The following OSBPL9 variants were observed in gnomAD, a reference collection of about 807,000 sequenced individuals.
OSBPL9 encodes oxysterol binding protein like 9, also known as oxysterol-binding protein-related protein 9.
Under a neutral mutation model 106.6 loss-of-function variants are expected in OSBPL9, and 40 were observed. The ratio of observed to expected loss-of-function variants is 0.38; its 90% CI spans 0.29 to 0.49. The LOEUF (loss-of-function observed/expected upper bound fraction) is 0.49. Among genes scored for constraint, OSBPL9 ranks in the 20% least tolerant of loss-of-function variants. The pLI is 0.97. For synonymous variants in OSBPL9, 269 were observed against 295.4 expected (o/e 0.91, Z 0.92); for missense variants, 609 against 887.2 (o/e 0.69, Z 3.98).
At chr1:51,777,742 T>TTAAGAAG (rs1440633941) in intron 15 of OSBPL9, among the ~76,000 whole-genome samples, 1 of 152,138 alleles carries the variant, frequency 6.6e-6, no homozygotes, top group Non-Finnish European at 1.5e-5. Flanking sequence ...GAAGTAAAAT[T>TTAAGAAG]TAAGCATTTA....
intron 2 of OSBPL9, among the ~76,000 whole-genome samples, chr1:51,611,989 A>G (rs2148606434): frequency 6.6e-6 from 1 of 152,310 alleles, no homozygotes; most frequent in East Asian, 1.9e-4. Context: ...TAAATAAATG[A>G]ATAAATACAT....
At chr1:51,711,821 G>T (rs771632805) in intron 3 of OSBPL9, among the ~76,000 whole-genome samples, 2 of 149,454 alleles carry the variant, frequency 1.3e-5, no homozygotes, top group Non-Finnish European at 3.0e-5. Flanking sequence ...GATGGGCGGC[G>T]GGGCAGAGAC....
the OSBPL9 span, among the ~76,000 whole-genome samples, chr1:51,528,930 G>A: frequency 6.6e-6 from 1 of 152,130 alleles, no homozygotes; most frequent in East Asian, 1.9e-4. Flanking sequence ...AGAAAAAATA[G>A]TTAAGAATAA....
chr1:51,542,623 G>A, the OSBPL9 span, among the ~76,000 whole-genome samples: 2 of 152,190 alleles, frequency 1.3e-5, no homozygotes, highest in Non-Finnish European at 2.9e-5. Context: ...CCATGTGCCA[G>A]GCACTCTACT....
intron 22 of OSBPL9, 53 bp from the exon 23 acceptor site, chr1:51,787,300 G>A: frequency 6.5e-7 from 1 of 1,547,062 alleles, no homozygotes; most frequent in Non-Finnish European, 8.9e-7. Context: ...ATTCAGGATG[G>A]CTGCAGGCTT....
At chr1:51,722,925 A>T (rs1462100765) in intron 4 of OSBPL9, among the ~76,000 whole-genome samples, 1 of 152,226 alleles carries the variant, frequency 6.6e-6, no homozygotes, top group African/African-American at 2.4e-5. Context: ...ATTTGGCCTG[A>T]CTTGCTAGGC....
At chr1:51,720,691 A>G (rs1384270901) in intron 4 of OSBPL9, among the ~76,000 whole-genome samples, 2 of 151,398 alleles carry the variant, frequency 1.3e-5, no homozygotes, top group Non-Finnish European at 2.9e-5. Context: ...GGTTTCTATG[A>G]TTATTCTTTG....
At chr1:51,719,442 A>G (rs1425904260) in intron 4 of OSBPL9, among the ~76,000 whole-genome samples, 1 of 151,720 alleles carries the variant, frequency 6.6e-6, no homozygotes, top group African/African-American at 2.4e-5. Context: ...AACTTTTCAG[A>G]TTCTTTTTTT....
chr1:51,747,553 CT>C (rs746109312), intron 6 of OSBPL9, among the ~76,000 whole-genome samples: 213 of 42,354 alleles, frequency 5.0e-3, no homozygotes, highest in African/African-American at 7.0e-3. Flanking sequence ...CTCTCCTTGG[CT>C]TTTTTTTTTT....
At chr1:51,532,933 T>C in the OSBPL9 span, among the ~76,000 whole-genome samples, 1 of 152,110 alleles carries the variant, frequency 6.6e-6, no homozygotes, top group Non-Finnish European at 1.5e-5. Context: ...TTTAGAAAGA[T>C]AAGTAAAATT....
chr1:51,746,668 T>G (rs748099444), intron 5 of OSBPL9, 42 bp from the exon 6 acceptor site: 3 of 1,441,286 alleles, frequency 2.1e-6, no homozygotes, highest in Non-Finnish European at 2.9e-6. Context: ...CATCGTATAG[T>G]AAAGTGGCTT....
Position 51,756,333 on chromosome 1 carries a change from C to T in OSBPL9, c.557C>T (p.Ala186Val), listed in dbSNP as rs1193625406. The stretch of plus-strand genomic sequence containing the variant: ...TTTTTCCTTAAGGACCAGAGTAATG[C>T]GGAGAAGCACGCAGATGGAATGATA... ...LLQIAKDQSN[A>V]EKHADGMIST... Residue 186 changes from alanine (A) to valine (V), a missense_variant, in exon 9 of 24, where the codon GCG becomes GTG. Coordinates refer to ENST00000428468, the MANE Select transcript of OSBPL9 (RefSeq NM_024586.6). 11 of 1,612,722 alleles carry T rather than the reference C, an allele frequency of 6.8e-6. No homozygotes were observed. Among genetic ancestry groups the T allele is most frequent in the Admixed American group, 5.0e-5 (3 of 59,870 alleles).
intron 1 of OSBPL9, among the ~76,000 whole-genome samples, chr1:51,646,939 C>G (rs560948363): frequency 1.5e-4 from 23 of 152,302 alleles, no homozygotes; most frequent in African/African-American, 4.8e-4. Context: ...TGCCTGATTT[C>G]TCTGGCTAGT....
At chr1:51,549,806 C>A in the OSBPL9 span, among the ~76,000 whole-genome samples, 2 of 152,214 alleles carry the variant, frequency 1.3e-5, no homozygotes, top group Non-Finnish European at 2.9e-5. Context: ...GCACTCCAGC[C>A]TGGGCAACAG....
At chr1:51,615,965 C>G (rs569327748), upstream of OSBPL9, among the ~76,000 whole-genome samples, 2 of 149,706 alleles carry the variant, frequency 1.3e-5, no homozygotes, top group South Asian at 4.2e-4. Context: ...GGACCTCCAA[C>G]AGTGCCTAGA....
intron 16 of OSBPL9, 164 bp downstream of exon 16, chr1:51,781,499 A>G: frequency 1.5e-6 from 1 of 671,010 alleles, no homozygotes; most frequent in East Asian, 2.8e-5. Context: ...GAGAAGGAGG[A>G]AAAAGAGTAG....
chr1:51,676,355 G>A (rs1651194790), intron 3 of OSBPL9, among the ~76,000 whole-genome samples: 1 of 151,428 alleles, frequency 6.6e-6, no homozygotes, highest in African/African-American at 2.4e-5. Flanking sequence ...GCTTGAACTC[G>A]GGAGTCGGAA....
chr1:51,637,570 A>C (rs1322393174), intron 1 of OSBPL9, among the ~76,000 whole-genome samples: 1 of 152,262 alleles, frequency 6.6e-6, no homozygotes, highest in Admixed American at 6.5e-5. Flanking sequence ...TATTTAAAGC[A>C]CTAGCACAGT....
intron 1 of OSBPL9, among the ~76,000 whole-genome samples, chr1:51,579,257 G>A (rs962087725): frequency 1.8e-4 from 27 of 151,970 alleles, no homozygotes; most frequent in African/African-American, 6.5e-4. Context: ...CACCATGTTA[G>A]GCACACTAGA....
Sources: allele counts gnomAD v4.1 joint callset (sites outside exome capture counted in the v4.1 genomes callset), GRCh38; gene constraint gnomAD v4.1.1; transcripts MANE v1.5; gene names NCBI Gene and HGNC (gene_info 2026-07-23, HGNC 2026-07-21).